Variants in ASTE1 observed in about 807,000 individuals in gnomAD.
ASTE1 encodes single-strand DNA endonuclease ASTE1.
ASTE1 carries 49 observed loss-of-function variants against 45.8 expected under a neutral mutation model. The ratio of observed to expected loss-of-function variants is 1.07; its 90% CI spans 0.85 to 1.36. ASTE1 has a LOEUF of 1.36. ASTE1 is among the 40% of genes most tolerant of loss of function. The pLI is 0.00. For missense variants in ASTE1, 709 were observed against 804.0 expected (o/e 0.88, Z 1.43); for synonymous variants, 296 against 303.9 (o/e 0.97, Z 0.27).
chr3:131,017,964 C>CAA (rs2063680987), intron 4 of ASTE1, among the ~76,000 whole-genome samples: 1 of 95,152 alleles, frequency 1.1e-5, no homozygotes, highest in African/African-American at 4.1e-5. Context: ...AGTGAGACTC[C>CAA]ATCTCAAAAA....
intron 4 of ASTE1, chr3:131,016,908 G>GT (rs1230829304): frequency 3.1e-6 from 3 of 977,426 alleles, no homozygotes; most frequent in African/African-American, 1.7e-5. Context: ...GTTTTTAGCT[G>GT]TAAGTTTCTA....
rs1560063898 is a variant in ASTE1 at position 131,024,531 on chromosome 3, A to C, written c.776T>G (p.Leu259Arg). The part of the protein sequence containing the change: ...KGRRHHRILG[L>R]LNWLSHFANP... Reference sequence around the variant, plus strand: ...GGCAAAATGAGACAACCAATTCAGAAGTCCCAGGATTCGGTGGTGTCTCCT... The same window carrying C: ...GGCAAAATGAGACAACCAATTCAGACGTCCCAGGATTCGGTGGTGTCTCCT... Residue 259 changes from leucine (L) to arginine (R), a missense_variant, in exon 3 of 6, where the codon CTT becomes CGT. Coordinates refer to ENST00000264992, the MANE Select transcript of ASTE1 (RefSeq NM_014065.4). 6.2e-7 allele frequency: 1 copy of C among 1,614,170 alleles called. No individual in the cohort carries two copies. Among genetic ancestry groups the C allele is most frequent in the Non-Finnish European group, 8.5e-7 (1 of 1,180,036 alleles).
Position 131,025,544 on chromosome 3 carries a change from A to G in ASTE1, c.-96T>C, listed in dbSNP as rs746980324. ...CTTTCTGATACAAGGCACAAATTCA[A>G]TGGTTTCATGGGTTGTAATCTTTGG... is the stretch of plus-strand genomic sequence containing the variant. On this transcript the variant is annotated 5_prime_UTR_variant, in exon 2 of 6. Transcript: ENST00000264992. 29 of 577,246 alleles carry G rather than the reference A, an allele frequency of 5.0e-5. No homozygotes were observed. Among genetic ancestry groups the G allele is most frequent in the Admixed American group, 1.9e-4 (5 of 26,968 alleles). 35.8% of individuals were successfully genotyped at this position (577,246 alleles called of 1,614,324 possible).
chr3:131,018,831 C>G (rs950175716), intron 3 of ASTE1, 115 bp from the exon 4 acceptor site: 1 of 1,030,698 alleles, frequency 9.7e-7, no homozygotes, highest in Non-Finnish European at 1.4e-6. Context: ...AGCTGTTAAA[C>G]TTATCTTCTT....
intron 4 of ASTE1, chr3:131,016,990 C>T (rs759307381): frequency 1.4e-5 from 18 of 1,289,120 alleles, no homozygotes; most frequent in Middle Eastern, 2.1e-4. Flanking sequence ...GGAGGCCCAC[C>T]TTTTACCAAC....
At chr3:131,018,773 T>C in intron 3 of ASTE1, 57 bp from the exon 4 acceptor site, 1 of 1,551,648 alleles carries the variant, frequency 6.4e-7, no homozygotes, top group Non-Finnish European at 8.8e-7. Flanking sequence ...TGTTATTTCT[T>C]TTTTCCACCA....
chr3:131,013,993 TG>T lies in ASTE1; in HGVS notation c.*63del. 8.4e-7 allele frequency: 1 copy of T among 1,193,770 alleles called. No homozygotes were observed. The highest frequency in any genetic ancestry group is 1.2e-6 in the Non-Finnish European group (1 of 855,562). The allele number at this position is 1,193,770 out of a possible 1,614,324, so 73.9% of individuals were successfully genotyped here. ...AAGAAAAAGCTAATTGTTTCAAGGG[TG>T]GTAACGGAAGAATTTTAAGTAAGGA... On this transcript the variant is annotated 3_prime_UTR_variant, in exon 6 of 6. Coordinates refer to ENST00000264992, the MANE Select transcript of ASTE1 (RefSeq NM_014065.4).
At chr3:131,019,387 A>C (rs1372257470) in intron 3 of ASTE1, among the ~76,000 whole-genome samples, 1 of 152,210 alleles carries the variant, frequency 6.6e-6, no homozygotes, top group Non-Finnish European at 1.5e-5. Context: ...GGAATATTTT[A>C]AGGACTACTT....
chr3:131,014,011 A>T lies in ASTE1; in HGVS notation c.*46T>A. ...TCAAGGGTGGTAACGGAAGAATTTT[A>T]AGTAAGGATTATATTAAATACATCT... is the stretch of plus-strand genomic sequence containing the variant. On this transcript the variant is annotated 3_prime_UTR_variant, in exon 6 of 6. Coordinates refer to ENST00000264992, the MANE Select transcript of ASTE1 (RefSeq NM_014065.4). 7.2e-7 allele frequency: 1 copy of T among 1,397,026 alleles called. No individual in the cohort carries two copies. Among genetic ancestry groups the T allele is most frequent in the Non-Finnish European group, 9.7e-7 (1 of 1,035,352 alleles). The allele number at this position is 1,397,026 out of a possible 1,614,324, so 86.5% of individuals were successfully genotyped here.
chr3:131,017,094 C>T (rs1441041148), intron 4 of ASTE1: 5 of 1,265,614 alleles, frequency 4.0e-6, no homozygotes, highest in Admixed American at 4.7e-5. Flanking sequence ...TTCTCTTGGA[C>T]TCAGGTAAAA....
In ASTE1 at chr3:131,025,412, A is replaced by G. The variant is rs1007679810; in HGVS notation, c.-26+62T>C. 9 of 1,495,426 alleles carry G rather than the reference A, an allele frequency of 6.0e-6. No homozygotes were observed. In the African/African-American group the frequency reaches 1.3e-4, roughly 21 times the overall value. 92.6% of individuals were successfully genotyped at this position (1,495,426 alleles called of 1,614,324 possible). On this transcript the variant is annotated intron_variant, in intron 2 of 5. Coordinates refer to ENST00000264992, the MANE Select transcript of ASTE1 (RefSeq NM_014065.4). ...CATTGCTTCCAGCACCATTAAATCA[A>G]TAGCAAATGTTATGAAGTGCTCTTT...
At chr3:131,014,556 A>G (rs530840468) in intron 5 of ASTE1, among the ~76,000 whole-genome samples, 169 bp from the exon 6 acceptor site, 5 of 152,350 alleles carry the variant, frequency 3.3e-5, no homozygotes, top group Non-Finnish European at 7.3e-5. Flanking sequence ...GAAGGAACTG[A>G]GCTGGTATGA....
Position 131,025,244 on chromosome 3 carries a change from C to T in ASTE1, c.63G>A (p.Leu21=). Residue 21 remains leucine (L), a synonymous_variant, in exon 3 of 6, where the codon TTG becomes TTA. Transcript: ENST00000264992. ...EDHSNEFFTD[L]KLRDTKIVID... The stretch of plus-strand genomic sequence containing the variant: ...TGACAATTTTTGTGTCCCGCAACTT[C>T]AAATCAGTGAAGAACTCATTACTAT... The T allele has an allele frequency of 1.2e-6, 2 of 1,614,182 alleles. No homozygotes were observed. The highest frequency in any genetic ancestry group is 1.7e-6 in the Non-Finnish European group (2 of 1,180,036).
intron 3 of ASTE1, among the ~76,000 whole-genome samples, chr3:131,021,483 C>T (rs1486286102): frequency 6.6e-6 from 1 of 152,182 alleles, no homozygotes; most frequent in Admixed American, 6.5e-5. Flanking sequence ...AGTAATAATT[C>T]AGTTAAAACT....
intron 3 of ASTE1, among the ~76,000 whole-genome samples, chr3:131,022,052 C>G (rs1236670200): frequency 6.6e-6 from 1 of 152,092 alleles, no homozygotes; most frequent in Non-Finnish European, 1.5e-5. Flanking sequence ...GTTGTGTTAC[C>G]AAGCATTATA....
Position 131,015,034 on chromosome 3 carries a change from A to C in ASTE1, c.1710-647T>G, listed in dbSNP as rs575269102. The C allele has an allele frequency of 8.3e-5, 43 of 518,860 alleles. 1 individual carries two copies. The South Asian group carries it at 1.3e-3, about 16-fold the overall frequency. The allele number at this position is 518,860 out of a possible 1,614,324, so 32.1% of individuals were successfully genotyped here. ...TTAAAAGGATTTGTGGTAACTAAAG[A>C]GGATCCAGTCAAGAATGGCCTTAAA... On this transcript the variant is annotated intron_variant, in intron 5 of 5. Coordinates refer to ENST00000264992, the MANE Select transcript of ASTE1 (RefSeq NM_014065.4).
chr3:131,015,122 C>T (rs1410522313), intron 5 of ASTE1: 1 of 641,604 alleles, frequency 1.6e-6, no homozygotes, highest in East Asian at 2.8e-5. Flanking sequence ...TTTGTGTTAG[C>T]TCAGATATAA....
At chr3:131,018,844 G>T in intron 3 of ASTE1, 128 bp from the exon 4 acceptor site, 1 of 918,764 alleles carries the variant, frequency 1.1e-6, no homozygotes, top group Non-Finnish European at 1.6e-6. Context: ...ATCTTCTTGT[G>T]GGAAAAAAAA....
chr3:131,021,989 C>G (rs961373849), intron 3 of ASTE1, among the ~76,000 whole-genome samples: 1 of 152,124 alleles, frequency 6.6e-6, no homozygotes, highest in Non-Finnish European at 1.5e-5. Context: ...GACTGACTTA[C>G]GCTCCACTTT....
Sources: allele counts gnomAD v4.1 joint callset (sites outside exome capture counted in the v4.1 genomes callset), GRCh38; gene constraint gnomAD v4.1.1; transcripts MANE v1.5; gene names NCBI Gene and HGNC (gene_info 2026-07-23, HGNC 2026-07-21).